Variants in AP1G1 observed in about 807,000 individuals in gnomAD.
The protein encoded by AP1G1 is AP-1 complex subunit gamma-1.
AP1G1 carries 7 observed loss-of-function variants against 108.3 expected under a neutral mutation model. The ratio of observed to expected loss-of-function variants is 0.06; its 90% CI spans 0.04 to 0.12. AP1G1 has a LOEUF of 0.12. Ranked by LOEUF, AP1G1 falls within the 10% of genes least tolerant of loss-of-function variation. The probability of loss-of-function intolerance (pLI) is 1.00; values close to 1 mark genes in which losing one functional copy is unlikely to be tolerated. For missense variants in AP1G1, 756 were observed against 1,010.7 expected (o/e 0.75, Z 3.42); for synonymous variants, 379 against 353.5 (o/e 1.07, Z -0.81).
At chr16:71,761,960 G>A (rs960798660) in intron 9 of AP1G1, among the ~76,000 whole-genome samples, 3 of 152,172 alleles carry the variant, frequency 2.0e-5, no homozygotes, top group Admixed American at 1.3e-4. Flanking sequence ...CCTCTTTAGA[G>A]GGAAATCTGG....
intron 1 of AP1G1, among the ~76,000 whole-genome samples, chr16:71,796,681 C>T (rs976292223): frequency 5.9e-5 from 9 of 152,076 alleles, no homozygotes; most frequent in African/African-American, 2.2e-4. Flanking sequence ...AGATACCACC[C>T]CACCCTGTCT....
At chr16:71,808,210 A>C in intron 1 of AP1G1, 1 of 1,128,966 alleles carries the variant, frequency 8.9e-7, no homozygotes, top group Non-Finnish European at 1.1e-6. Context: ...ACAACAACAT[A>C]TACACACACA....
intron 21 of AP1G1, among the ~76,000 whole-genome samples, chr16:71,735,690 A>G (rs976453595): frequency 6.6e-6 from 1 of 152,028 alleles, no homozygotes; most frequent in African/African-American, 2.4e-5. Flanking sequence ...AGGGCAAGCT[A>G]GGTAAACCAT....
At chr16:71,742,648 C>T (rs1022800924) in intron 19 of AP1G1, 2 of 151,900 alleles carry the variant, frequency 1.3e-5, no homozygotes, top group Non-Finnish European at 1.5e-5. Flanking sequence ...TTGTTGAGGC[C>T]GCTAGGTAAG....
intron 1 of AP1G1, among the ~76,000 whole-genome samples, chr16:71,795,132 G>C (rs189482700): frequency 6.6e-6 from 1 of 151,832 alleles, no homozygotes; most frequent in Non-Finnish European, 1.5e-5. Flanking sequence ...CCCAGATAAC[G>C]TTCTCCCTGC....
intron 1 of AP1G1, among the ~76,000 whole-genome samples, chr16:71,803,860 G>A (rs537951774): frequency 4.1e-5 from 6 of 147,478 alleles, no homozygotes; most frequent in African/African-American, 1.5e-4. Context: ...GGGGGCGGAG[G>A]TTGCAGTAAG....
chr16:71,771,348 C>G, intron 4 of AP1G1, 96 bp from the exon 5 acceptor site: 1 of 640,402 alleles, frequency 1.6e-6, no homozygotes, highest in East Asian at 3.0e-5. Flanking sequence ...ATCTCACCAA[C>G]TAGTTCATCT....
At chr16:71,772,094 A>G (rs1238686372) in intron 4 of AP1G1, among the ~76,000 whole-genome samples, 1 of 151,836 alleles carries the variant, frequency 6.6e-6, no homozygotes, top group Non-Finnish European at 1.5e-5. Flanking sequence ...AATTCCATCC[A>G]TGTTATATTT....
At chr16:71,772,150 A>T (rs886786446) in intron 4 of AP1G1, among the ~76,000 whole-genome samples, 8 of 129,788 alleles carry the variant, frequency 6.2e-5, no homozygotes, top group Admixed American at 5.6e-4. Context: ...TTTTTTTTTG[A>T]GACGGAGTCT....
Position 71,745,552 on chromosome 16 carries a change from A to G in AP1G1, c.1793T>C (p.Ile598Thr), listed in dbSNP as rs2030128868. Residue 598 changes from isoleucine (I) to threonine (T), a missense_variant, in exon 18 of 23, where the codon ATT becomes ACT. By Grantham distance (89) the Ile-to-Thr change is moderately conservative (BLOSUM62 -1). Coordinates refer to ENST00000299980, the MANE Select transcript of AP1G1 (RefSeq NM_001128.6). ...TTCTGTCTCTCCATTTGTCTGCACA[A>G]TCTCAGTAGGGCCATTTGTGGTCAC... ...EKVTTNGPTE[I>T]VQTNGETEPA... is the part of the protein sequence containing the mutation. 1 of 1,614,128 alleles carries G rather than the reference A, an allele frequency of 6.2e-7. No homozygotes were observed. Among genetic ancestry groups the G allele is most frequent in the South Asian group, 1.1e-5 (1 of 91,092 alleles).
chr16:71,734,312 C>G (rs1173923231), intron 22 of AP1G1, among the ~76,000 whole-genome samples: 1 of 152,160 alleles, frequency 6.6e-6, no homozygotes, highest in Non-Finnish European at 1.5e-5. Context: ...AATGCTCTTA[C>G]CTCAGATTTC....
chr16:71,744,202 C>A (rs1168880677), intron 19 of AP1G1, among the ~76,000 whole-genome samples: 1 of 152,186 alleles, frequency 6.6e-6, no homozygotes, highest in Non-Finnish European at 1.5e-5. Context: ...CGAGATCGTG[C>A]CACTGCACTC....
At chr16:71,773,759 A>G (rs2031661670) in intron 3 of AP1G1, among the ~76,000 whole-genome samples, 1 of 151,994 alleles carries the variant, frequency 6.6e-6, no homozygotes, top group East Asian at 2.0e-4. Context: ...CCTGGCCAAC[A>G]TGGTGAAACC....
intron 4 of AP1G1, among the ~76,000 whole-genome samples, chr16:71,772,411 G>A (rs6499539): frequency 0.5 from 76,767 of 152,044 alleles, 19,733 homozygotes; most frequent in Middle Eastern, 0.65. Context: ...TTACAGGCAT[G>A]AGCCACCATG....
chr16:71,797,016 T>TTA (rs57137990), intron 1 of AP1G1, among the ~76,000 whole-genome samples: 2,658 of 145,786 alleles, frequency 0.018, 44 homozygotes, highest in African/African-American at 0.05. Flanking sequence ...AAAAAAAAAA[T>TTA]TATATATATA....
At chr16:71,775,668 A>G (rs760302759) in intron 2 of AP1G1, among the ~76,000 whole-genome samples, 2 of 152,340 alleles carry the variant, frequency 1.3e-5, no homozygotes, top group Non-Finnish European at 2.9e-5. Context: ...TTAATTTAAA[A>G]AGAGAGAGGC....
chr16:71,754,152 T>C (rs1459991109), intron 12 of AP1G1, among the ~76,000 whole-genome samples: 2 of 151,064 alleles, frequency 1.3e-5, no homozygotes, highest in African/African-American at 4.9e-5. Context: ...GGTAGGAGGA[T>C]TGCCTGAGCC....
At chr16:71,738,507 A>C (rs1482312920) in intron 21 of AP1G1, among the ~76,000 whole-genome samples, 1 of 152,196 alleles carries the variant, frequency 6.6e-6, no homozygotes, top group Non-Finnish European at 1.5e-5. Flanking sequence ...TTATGTATCA[A>C]GAGAGAAAAA....
chr16:71,791,635 T>C (rs936278592), intron 1 of AP1G1, among the ~76,000 whole-genome samples: 4 of 143,646 alleles, frequency 2.8e-5, no homozygotes, highest in African/African-American at 1.1e-4. Flanking sequence ...CAGTAAGCTG[T>C]GACACTGTAT....
Sources: allele counts gnomAD v4.1 joint callset (sites outside exome capture counted in the v4.1 genomes callset), GRCh38; gene constraint gnomAD v4.1.1; transcripts MANE v1.5; gene names NCBI Gene and HGNC (gene_info 2026-07-23, HGNC 2026-07-21).